The following B3GAT2 variants were observed in gnomAD, a reference collection of about 807,000 sequenced individuals.
B3GAT2 encodes beta-1,3-glucuronyltransferase 2, also known as galactosylgalactosylxylosylprotein 3-beta-glucuronosyltransferase 2.
B3GAT2 carries 26 observed loss-of-function variants against 27.8 expected under a neutral mutation model. The observed-to-expected ratio is 0.93, with a 90% CI of 0.68 to 1.30. B3GAT2 has a LOEUF of 1.30. Ranked by LOEUF, B3GAT2 falls within the 50% of genes most tolerant of loss-of-function variation. B3GAT2 has a pLI of 0.00. For missense variants in B3GAT2, 458 were observed against 459.0 expected, an observed-to-expected ratio of 1.00 and a Z score of 0.02; for synonymous variants, 218 against 195.1, an observed-to-expected ratio of 1.12 and a Z score of -0.98.
chr6:70,956,775 C>CAGAAA lies in B3GAT2; in HGVS notation c.-347_-346insTTTCT. On this transcript the variant is annotated 5_prime_UTR_variant, in exon 1 of 4. Coordinates refer to ENST00000230053, the MANE Select transcript of B3GAT2 (RefSeq NM_080742.3). ...GGCGCTGATCCCCACCGCGCTCTTT[C>CAGAAA]TGAAGAGTGGAAGCCGAGAAGCGGC... 8.6e-7 allele frequency: 1 copy of CAGAAA among 1,160,750 alleles called. No homozygotes were observed. The highest frequency in any genetic ancestry group is 1.1e-6 in the Non-Finnish European group (1 of 940,184). 71.9% of individuals were successfully genotyped at this position (1,160,750 alleles called of 1,614,324 possible).
chr6:70,954,866 CA>C (rs1236543156), intron 1 of B3GAT2, among the ~76,000 whole-genome samples: 1 of 151,286 alleles, frequency 6.6e-6, no homozygotes, highest in Non-Finnish European at 1.5e-5. Flanking sequence ...CGCAAGATAC[CA>C]GCCTCAAGGA....
At chr6:70,937,205 G>A (rs1245978407) in intron 1 of B3GAT2, among the ~76,000 whole-genome samples, 21 of 152,018 alleles carry the variant, frequency 1.4e-4, no homozygotes, top group Non-Finnish European at 2.9e-4. Context: ...AAACCAGGAA[G>A]AAGTTGAATC....
intron 1 of B3GAT2, among the ~76,000 whole-genome samples, chr6:70,939,103 A>AC (rs1393344001): frequency 6.6e-6 from 1 of 152,104 alleles, no homozygotes; most frequent in Non-Finnish European, 1.5e-5. Flanking sequence ...ATGAATAGAC[A>AC]CTTCTCAAAA....
intron 1 of B3GAT2, among the ~76,000 whole-genome samples, chr6:70,901,501 G>T (rs1772498472): frequency 6.6e-6 from 1 of 152,180 alleles, no homozygotes; most frequent in Admixed American, 6.5e-5. Flanking sequence ...TGTGTCAAAG[G>T]GACATAGCCA....
At chr6:70,882,440 G>A (rs895284791) in intron 2 of B3GAT2, among the ~76,000 whole-genome samples, 1 of 152,146 alleles carries the variant, frequency 6.6e-6, no homozygotes, top group African/African-American at 2.4e-5. Context: ...GGTAGAGCTT[G>A]CAGTGAGCCG....
intron 1 of B3GAT2, among the ~76,000 whole-genome samples, chr6:70,915,409 A>C (rs975333886): frequency 6.6e-6 from 1 of 152,176 alleles, no homozygotes; most frequent in African/African-American, 2.4e-5. Context: ...GTTTAGTTTA[A>C]TTAGATGCCA....
At position 70,885,047 on chromosome 6, in the gene B3GAT2, CCTAA is replaced by C. The variant is rs531438932; in HGVS notation, c.736+9077_736+9080del. On this transcript the variant is annotated intron_variant, in intron 2 of 3. Transcript: ENST00000230053. Reference sequence around the variant, plus strand: ...GCAGTGCAGGGCAACAACCCTTAATCCTAACTATTTACATGAGTAAAATAAATAA... The same window carrying C: ...GCAGTGCAGGGCAACAACCCTTAATCCTATTTACATGAGTAAAATAAATAA... Among the ~76,000 whole-genome samples the C allele has an allele frequency of 2.6e-3, 399 of 152,320 alleles. 1 individual carries two copies. Among genetic ancestry groups the C allele is most frequent in the Non-Finnish European group, 3.7e-3 (255 of 68,034 alleles).
intron 1 of B3GAT2, among the ~76,000 whole-genome samples, chr6:70,954,181 A>G (rs959972300): frequency 6.6e-6 from 1 of 152,256 alleles, no homozygotes; most frequent in Non-Finnish European, 1.5e-5. Flanking sequence ...ATTGTGGTGC[A>G]TTGAAATGTA....
chr6:70,956,457 C>A lies in B3GAT2; in HGVS notation c.-28G>T. ...TGCACGCTCCCTGGCCTCTCGGACA[C>A]CCCAGAGAGGGGCGAGCCGAGGGAC... On this transcript the variant is annotated 5_prime_UTR_variant, in exon 1 of 4. Transcript: ENST00000230053. The A allele has an allele frequency of 1.3e-6, 2 of 1,550,070 alleles. No homozygotes were observed. Among genetic ancestry groups the A allele is most frequent in the South Asian group, 2.4e-5 (2 of 84,026 alleles).
chr6:70,912,166 A>G lies in B3GAT2; in HGVS notation c.592-17894T>C, dbSNP rs147491240. 1.2e-4 allele frequency among the ~76,000 whole-genome samples: 19 copies of G among 152,116 alleles called. 1 individual carries two copies. In the East Asian group the frequency reaches 3.5e-3, roughly 28 times the overall value. On this transcript the variant is annotated intron_variant, in intron 1 of 3. Transcript: ENST00000230053. Reference sequence around the variant, plus strand: ...CTCTGCCTAGGACTTCCAGTAGTATATTGAATATGAGTGGTGATAGTGGGC... The same window carrying G: ...CTCTGCCTAGGACTTCCAGTAGTATGTTGAATATGAGTGGTGATAGTGGGC...
chr6:70,882,465 C>T (rs1365867379), intron 2 of B3GAT2, among the ~76,000 whole-genome samples: 2 of 152,108 alleles, frequency 1.3e-5, no homozygotes, highest in Non-Finnish European at 2.9e-5. Context: ...CATGCCACTG[C>T]ACTCCAGCCT....
At chr6:70,892,354 C>CT (rs1240811809) in intron 2 of B3GAT2, among the ~76,000 whole-genome samples, 1 of 152,192 alleles carries the variant, frequency 6.6e-6, no homozygotes, top group Non-Finnish European at 1.5e-5. Context: ...TTCAACAAGT[C>CT]TATTTGATAC....
At chr6:70,882,026 T>C (rs1011542009) in intron 2 of B3GAT2, among the ~76,000 whole-genome samples, 1 of 152,194 alleles carries the variant, frequency 6.6e-6, no homozygotes, top group Non-Finnish European at 1.5e-5. Context: ...AAAAAGACCA[T>C]ACTCTGCCCC....
At chr6:70,882,488 G>A (rs573675743) in intron 2 of B3GAT2, among the ~76,000 whole-genome samples, 5 of 152,126 alleles carry the variant, frequency 3.3e-5, no homozygotes, top group South Asian at 4.1e-4. Flanking sequence ...GGGACAGAGC[G>A]AGACTACATC....
chr6:70,942,637 A>G lies in B3GAT2; in HGVS notation c.591+13202T>C, dbSNP rs552835816. 2.6e-5 allele frequency among the ~76,000 whole-genome samples: 4 copies of G among 152,262 alleles called. No homozygotes were observed. The East Asian group carries it at 7.7e-4, about 29-fold the overall frequency. On this transcript the variant is annotated intron_variant, in intron 1 of 3. Transcript: ENST00000230053. ...CATGCATATTTAGTCCAGAGAATCA[A>G]TCTGGGAGGGCTGAGATGCTCTCTG...
chr6:70,918,159 G>A (rs573262963), intron 1 of B3GAT2, among the ~76,000 whole-genome samples: 21 of 152,104 alleles, frequency 1.4e-4, no homozygotes, highest in Non-Finnish European at 2.6e-4. Context: ...TTATGTTAAC[G>A]GCCTTCTTTG....
At chr6:70,883,392 T>C (rs1772129380) in intron 2 of B3GAT2, among the ~76,000 whole-genome samples, 1 of 147,714 alleles carries the variant, frequency 6.8e-6, no homozygotes, top group Non-Finnish European at 1.5e-5. Context: ...TTAGTAGCCT[T>C]AAAAAGGAAT....
At chr6:70,938,493 A>G (rs1462109836) in intron 1 of B3GAT2, among the ~76,000 whole-genome samples, 1 of 151,922 alleles carries the variant, frequency 6.6e-6, no homozygotes, top group Non-Finnish European at 1.5e-5. Context: ...ACACTACCTG[A>G]CTTCAAACTA....
rs570210442 is a variant in B3GAT2 at position 70,938,039 on chromosome 6, A to G, written c.591+17800T>C. Among the ~76,000 whole-genome samples, 3 of 151,388 alleles carry G rather than the reference A, an allele frequency of 2.0e-5. No homozygotes were observed. The South Asian group carries it at 6.3e-4, about 32-fold the overall frequency. Reference sequence around the variant, plus strand: ...AGCCAAAAATCTCCTTAAGCTGATAAGCAACTTCAGCAAAGTCTCAGGATA... The same window carrying G: ...AGCCAAAAATCTCCTTAAGCTGATAGGCAACTTCAGCAAAGTCTCAGGATA... On this transcript the variant is annotated intron_variant, in intron 1 of 3. Transcript: ENST00000230053.
Sources: gnomAD v4.1 joint callset for allele counts (sites outside exome capture counted in the v4.1 genomes callset) on GRCh38, gnomAD v4.1.1 for gene constraint, MANE v1.5 for transcripts, NCBI Gene and HGNC (gene_info 2026-07-23, HGNC 2026-07-21) for gene names.